Variants in IKBKB-DT observed in about 807,000 individuals in gnomAD.
IKBKB-DT encodes IKBKB divergent transcript, also known as IKBKB antisense RNA.
chr8:42,255,842 A>G (rs1354489801), intron 3 of IKBKB-DT, among the ~76,000 whole-genome samples: 2 of 151,928 alleles, frequency 1.3e-5, no homozygotes, highest in African/African-American at 4.8e-5. Flanking sequence ...TGGCCAACAG[A>G]GTGAAACCCC....
chr8:42,263,946 G>A (rs1170363637), intron 2 of IKBKB-DT, among the ~76,000 whole-genome samples: 1 of 151,990 alleles, frequency 6.6e-6, no homozygotes, highest in Non-Finnish European at 1.5e-5. Context: ...TGAGGAGCTT[G>A]GATTACAGGC....
At chr8:42,264,865 A>AT (rs199943358) in intron 2 of IKBKB-DT, among the ~76,000 whole-genome samples, 1,550 of 135,430 alleles carry the variant, frequency 0.011, 8 homozygotes, top group African/African-American at 0.021. Context: ...GGCCTTAAAC[A>AT]TTTTTTTTTT....
intron 3 of IKBKB-DT, among the ~76,000 whole-genome samples, chr8:42,242,885 C>A (rs1217099503): frequency 2.0e-5 from 3 of 152,224 alleles, no homozygotes; most frequent in Admixed American, 2.0e-4. Context: ...GCAGGCCACT[C>A]AACGAAGGCC....
chr8:42,240,802 C>G (rs1477329839), intron 3 of IKBKB-DT, among the ~76,000 whole-genome samples: 2 of 151,780 alleles, frequency 1.3e-5, no homozygotes, highest in African/African-American at 2.4e-5. Flanking sequence ...TGGTGAAACC[C>G]AATCTCTACT....
rs111596401 is a variant in IKBKB-DT, at chr8:42,260,858, C to G, written n.1529+2471G>C. On this transcript the variant is annotated intron_variant and non_coding_transcript_variant, in intron 3 of 3. Transcript: ENST00000518213. ...CCATAAACCTCTTAGGACTTAAAAC[C>G]AATGAGCCTTTTATGGCTTTGCCAC... Among the ~76,000 whole-genome samples the G allele has an allele frequency of 3.0e-3, 450 of 151,930 alleles. 5 individuals are homozygous for G. The highest frequency in any genetic ancestry group is 0.024 in the Middle Eastern group (7 of 294).
intron 3 of IKBKB-DT, among the ~76,000 whole-genome samples, chr8:42,257,969 A>T (rs1317264015): frequency 6.6e-6 from 1 of 151,566 alleles, no homozygotes; most frequent in Non-Finnish European, 1.5e-5. Flanking sequence ...AACAGAGAAG[A>T]CTGAGTCTTC....
intron 3 of IKBKB-DT, among the ~76,000 whole-genome samples, chr8:42,260,042 A>T (rs1014014644): frequency 6.6e-6 from 1 of 151,696 alleles, no homozygotes; most frequent in African/African-American, 2.4e-5. Flanking sequence ...AAGTGGAGAG[A>T]AGATGAGAGA....
chr8:42,246,645 A>G lies in IKBKB-DT; in HGVS notation n.1530-12786T>C, dbSNP rs35771640. ...ATGGATACCTTCTTGATCTTGTTGC[A>G]TAAAACTGCAGAATCTCAGAGAGAA... On this transcript the variant is annotated intron_variant and non_coding_transcript_variant, in intron 3 of 3. Transcript: ENST00000518213. Among the ~76,000 whole-genome samples, 995 of 152,322 alleles carry G rather than the reference A, an allele frequency of 6.5e-3. 6 individuals are homozygous for G. The highest frequency in any genetic ancestry group is 7.8e-3 in the Non-Finnish European group (531 of 68,030).
intron 3 of IKBKB-DT, among the ~76,000 whole-genome samples, chr8:42,250,901 A>G (rs1254411680): frequency 1.3e-5 from 2 of 152,196 alleles, no homozygotes; most frequent in African/African-American, 4.8e-5. Context: ...ACAAAAAAAC[A>G]TATTATGAAG....
intron 3 of IKBKB-DT, among the ~76,000 whole-genome samples, chr8:42,257,327 C>A (rs1319889434): frequency 1.3e-5 from 2 of 151,572 alleles, no homozygotes; most frequent in Non-Finnish European, 2.9e-5. Flanking sequence ...CATGGTGAAA[C>A]CCCATCTCTA....
At chr8:42,248,092 C>A (rs368101463) in intron 3 of IKBKB-DT, among the ~76,000 whole-genome samples, 1 of 146,006 alleles carries the variant, frequency 6.8e-6, no homozygotes, top group Admixed American at 6.9e-5. Context: ...GACTCCGTCT[C>A]GGAAAAAAAA....
intron 3 of IKBKB-DT, among the ~76,000 whole-genome samples, chr8:42,247,526 G>T (rs1229718960): frequency 6.6e-6 from 1 of 152,150 alleles, no homozygotes; most frequent in African/African-American, 2.4e-5. Flanking sequence ...AGACTCTGAG[G>T]GAAGACATGA....
At chr8:42,247,919 C>G (rs1186461281) in intron 3 of IKBKB-DT, among the ~76,000 whole-genome samples, 1 of 151,896 alleles carries the variant, frequency 6.6e-6, no homozygotes, top group Non-Finnish European at 1.5e-5. Flanking sequence ...ATGGTGAAAC[C>G]CTGTCTCTAC....
exon 1 of IKBKB-DT, chr8:42,271,203 C>T (rs902241493): frequency 6.6e-6 from 4 of 601,874 alleles, no homozygotes; most frequent in South Asian, 5.4e-5. Flanking sequence ...GTCGCCCGGT[C>T]GAGGGTCCCG....
chr8:42,268,122 C>T lies in IKBKB-DT; in HGVS notation n.604-1726G>A, dbSNP rs187469000. Among the ~76,000 whole-genome samples, 493 of 149,094 alleles carry T rather than the reference C, an allele frequency of 3.3e-3. 1 individual carries two copies. The highest frequency in any genetic ancestry group is 0.012 in the African/African-American group (461 of 39,658). ...CCACAGTGCCCAGCACATATAGGTGCTCAATAATTTTTTTTTTTTTTTTTT... is the reference window on the plus strand; with the variant it reads ...CCACAGTGCCCAGCACATATAGGTGTTCAATAATTTTTTTTTTTTTTTTTT... On this transcript the variant is annotated intron_variant and non_coding_transcript_variant, in intron 1 of 3. Coordinates refer to ENST00000518213, the Ensembl canonical transcript of IKBKB-DT.
chr8:42,237,080 G>GC (rs573409265), intron 3 of IKBKB-DT, among the ~76,000 whole-genome samples: 2 of 140,654 alleles, frequency 1.4e-5, no homozygotes, highest in African/African-American at 5.4e-5. Context: ...AGAAGGCTCA[G>GC]TTTTTTTTTT....
intron 3 of IKBKB-DT, among the ~76,000 whole-genome samples, chr8:42,242,076 A>G (rs988555806): frequency 7.9e-5 from 12 of 152,062 alleles, no homozygotes; most frequent in Non-Finnish European, 1.6e-4. Context: ...TTATCTGGGC[A>G]TGTTGGTGCG....
intron 3 of IKBKB-DT, among the ~76,000 whole-genome samples, chr8:42,248,609 A>G (rs1432484336): frequency 6.6e-6 from 1 of 152,194 alleles, no homozygotes; most frequent in African/African-American, 2.4e-5. Context: ...AGCCGGCTGC[A>G]GTGGCTCATG....
intron 3 of IKBKB-DT, among the ~76,000 whole-genome samples, chr8:42,258,594 G>A (rs1242468050): frequency 6.6e-6 from 1 of 151,556 alleles, no homozygotes; most frequent in African/African-American, 2.4e-5. Context: ...TCAGCCTCCC[G>A]AGTAGCTGGG....
Sources: allele counts gnomAD v4.1 joint callset (sites outside exome capture counted in the v4.1 genomes callset), GRCh38; gene constraint gnomAD v4.1.1; transcripts MANE v1.5; gene names NCBI Gene and HGNC (gene_info 2026-07-23, HGNC 2026-07-21).